NLGN1: variants seen among roughly 807,000 people sequenced by gnomAD.
NLGN1 encodes neuroligin-1.
A neutral mutation model predicts 65.5 loss-of-function variants in NLGN1; 12 were observed. The ratio of observed to expected loss-of-function variants is 0.18; its 90% CI spans 0.12 to 0.30. The LOEUF is 0.30. Among genes scored for constraint, NLGN1 ranks in the 10% least tolerant of loss-of-function variants. The pLI is 1.00. For synonymous variants in NLGN1, 350 were observed against 359.5 expected (o/e 0.97, Z 0.30); for missense variants, 750 against 1,007.1 (o/e 0.74, Z 3.46).
intron 3 of NLGN1, among the ~76,000 whole-genome samples, chr3:173,672,451 T>A (rs1372320351): frequency 6.6e-6 from 1 of 152,224 alleles, no homozygotes; most frequent in Non-Finnish European, 1.5e-5. Context: ...CACCTGATGA[T>A]ATAGAAATTC....
intron 4 of NLGN1, among the ~76,000 whole-genome samples, chr3:174,129,199 T>C (rs1233206112): frequency 2.0e-5 from 3 of 152,092 alleles, no homozygotes; most frequent in African/African-American, 7.2e-5. Flanking sequence ...TTTTATCCTC[T>C]ACATTCAAGA....
intron 4 of NLGN1, among the ~76,000 whole-genome samples, chr3:173,861,800 C>T (rs1729161811): frequency 6.6e-6 from 1 of 151,146 alleles, no homozygotes; most frequent in African/African-American, 2.4e-5. Context: ...GGTGTGTTGC[C>T]CAGGCTGGAG....
At chr3:174,208,655 C>T (rs941512475) in intron 4 of NLGN1, among the ~76,000 whole-genome samples, 18 of 106,164 alleles carry the variant, frequency 1.7e-4, no homozygotes, top group African/African-American at 7.1e-4. Context: ...AAGATAGCGC[C>T]ATTATAGGGA....
At chr3:173,948,328 G>C (rs570725068) in intron 4 of NLGN1, among the ~76,000 whole-genome samples, 1 of 152,300 alleles carries the variant, frequency 6.6e-6, no homozygotes, top group East Asian at 1.9e-4. Flanking sequence ...ATGTAACTAA[G>C]CTGTTAGCTG....
At chr3:173,469,230 T>A (rs1328011736) in intron 2 of NLGN1, among the ~76,000 whole-genome samples, 2 of 152,146 alleles carry the variant, frequency 1.3e-5, no homozygotes, top group Non-Finnish European at 2.9e-5. Context: ...GAATAATTTA[T>A]TTTTTATTAT....
chr3:173,944,834 G>A (rs1746859502), intron 4 of NLGN1, among the ~76,000 whole-genome samples: 1 of 152,158 alleles, frequency 6.6e-6, no homozygotes. Flanking sequence ...TTCACATGGG[G>A]TGTACAGAGT....
At chr3:173,746,576 C>T (rs918219075) in intron 3 of NLGN1, among the ~76,000 whole-genome samples, 1 of 151,960 alleles carries the variant, frequency 6.6e-6, no homozygotes, top group Non-Finnish European at 1.5e-5. Context: ...TTCACGAAAA[C>T]CATTCTTGAC....
intron 2 of NLGN1, among the ~76,000 whole-genome samples, chr3:173,521,497 G>A (rs1734753837): frequency 6.6e-6 from 1 of 152,184 alleles, no homozygotes; most frequent in Admixed American, 6.5e-5. Context: ...AAAGAGAGTA[G>A]TAAAGCCTAG....
At chr3:173,796,485 G>A (rs1268665181) in intron 3 of NLGN1, among the ~76,000 whole-genome samples, 1 of 152,038 alleles carries the variant, frequency 6.6e-6, no homozygotes, top group East Asian at 1.9e-4. Context: ...CCTTTACCTT[G>A]CTTAGTCCTG....
At chr3:173,544,259 C>CGTGTGTGTGTGTGTGTGTGT (rs3980148) in intron 2 of NLGN1, among the ~76,000 whole-genome samples, 45 of 144,226 alleles carry the variant, frequency 3.1e-4, no homozygotes, top group Middle Eastern at 3.5e-3. Context: ...GATTATATTA[C>CGTGTGTGTGTGTGTGTGTGT]GTGTGTGTGT....
At chr3:174,002,418 A>G (rs2152428797) in intron 4 of NLGN1, among the ~76,000 whole-genome samples, 1 of 152,312 alleles carries the variant, frequency 6.6e-6, no homozygotes, top group East Asian at 1.9e-4. Flanking sequence ...GTGAGCCACC[A>G]TGCTCGGATT....
intron 2 of NLGN1, among the ~76,000 whole-genome samples, chr3:173,581,056 G>A (rs1453537099): frequency 1.3e-5 from 2 of 151,866 alleles, no homozygotes; most frequent in Non-Finnish European, 2.9e-5. Context: ...TATTATCAAA[G>A]GAAATTAAAT....
chr3:173,889,702 G>T (rs140755658), intron 4 of NLGN1, among the ~76,000 whole-genome samples: 1 of 152,258 alleles, frequency 6.6e-6, no homozygotes, highest in Admixed American at 6.6e-5. Flanking sequence ...GTCTGGCAAC[G>T]ACCATGATAG....
chr3:173,631,514 A>C (rs1755682564), intron 3 of NLGN1, among the ~76,000 whole-genome samples: 1 of 152,296 alleles, frequency 6.6e-6, no homozygotes, highest in Admixed American at 6.5e-5. Flanking sequence ...ATGTATCAGA[A>C]AGAAACAGAG....
At chr3:174,114,954 A>G (rs1269684311) in intron 4 of NLGN1, among the ~76,000 whole-genome samples, 2 of 152,160 alleles carry the variant, frequency 1.3e-5, no homozygotes, top group South Asian at 4.1e-4. Flanking sequence ...AATTTGCTTA[A>G]GAGTATATAG....
chr3:173,640,396 T>G (rs1225283485), intron 3 of NLGN1, among the ~76,000 whole-genome samples: 1 of 152,138 alleles, frequency 6.6e-6, no homozygotes, highest in Non-Finnish European at 1.5e-5. Context: ...ATTGTTAGTA[T>G]TTTTATACAT....
chr3:173,399,928 C>T (rs777826492), intron 1 of NLGN1: 2 of 152,098 alleles, frequency 1.3e-5, no homozygotes, highest in Non-Finnish European at 2.9e-5. Flanking sequence ...TCTGGGTTTT[C>T]ATGTATTGAA....
intron 4 of NLGN1, among the ~76,000 whole-genome samples, chr3:173,945,246 ACT>A (rs1404310487): frequency 2.6e-5 from 4 of 151,278 alleles, no homozygotes; most frequent in Non-Finnish European, 5.9e-5. Flanking sequence ...GGAACCAAAA[ACT>A]CTGCTCTCTG....
At chr3:174,263,734 A>T (rs949547598) in intron 4 of NLGN1, among the ~76,000 whole-genome samples, 6 of 151,704 alleles carry the variant, frequency 4.0e-5, no homozygotes, top group Admixed American at 3.9e-4. Flanking sequence ...TTATGATGTT[A>T]GCTGGTGATT....
Sources: allele counts gnomAD v4.1 joint callset (sites outside exome capture counted in the v4.1 genomes callset), GRCh38; gene constraint gnomAD v4.1.1; transcripts MANE v1.5; gene names NCBI Gene and HGNC (gene_info 2026-07-23, HGNC 2026-07-21).